SMURF1: variants seen among roughly 807,000 people sequenced by gnomAD.
SMURF1 encodes E3 ubiquitin-protein ligase SMURF1.
In SMURF1, 44 loss-of-function variants were observed where a neutral mutation model predicts 98.0. That is an observed-to-expected ratio of 0.45 (90% CI 0.35 to 0.58). The LOEUF is 0.58. Ranked by LOEUF, SMURF1 falls within the 20% of genes least tolerant of loss-of-function variation. SMURF1 has a pLI of 0.00. For synonymous variants in SMURF1, 396 were observed against 374.9 expected, an observed-to-expected ratio of 1.06 and a Z score of -0.65; for missense variants, 687 against 938.4, an observed-to-expected ratio of 0.73 and a Z score of 3.50.
At chr7:99,095,303 C>G (rs1280830783) in intron 1 of SMURF1, among the ~76,000 whole-genome samples, 2 of 152,132 alleles carry the variant, frequency 1.3e-5, no homozygotes, top group Non-Finnish European at 2.9e-5. Flanking sequence ...TGGTCTTGAA[C>G]TGCTGACCTC....
At position 99,049,454 on chromosome 7, in the gene SMURF1, CTTA is replaced by C. The variant is rs1795685642; in HGVS notation, c.953+106_953+108del. ...GATATTTAACATCATTTTGACCATG[CTTA>C]TTATCCAACCAGCAAGACAGTCAAT... On this transcript the variant is annotated intron_variant, in intron 9 of 17. Coordinates refer to ENST00000361368, the MANE Select transcript of SMURF1 (RefSeq NM_181349.3). The C allele has an allele frequency of 3.5e-6, 4 of 1,139,770 alleles. No individual in the cohort carries two copies. In the South Asian group the frequency reaches 6.0e-5, roughly 17 times the overall value. 70.6% of individuals were successfully genotyped at this position (1,139,770 alleles called of 1,614,324 possible). A position where few individuals can be genotyped will look rare whatever the true frequency, so the allele number is the denominator to read the frequency against.
At position 99,028,319 on chromosome 7, in the gene SMURF1, G is replaced by T; in HGVS notation, c.*2265C>A. 6.6e-6 allele frequency: 1 copy of T among 152,412 alleles called. No individual in the cohort carries two copies. The highest frequency in any genetic ancestry group is 1.5e-5 in the Non-Finnish European group (1 of 68,088). The allele number at this position is 152,412 out of a possible 1,614,324, so 9.4% of individuals were successfully genotyped here. A position where few individuals can be genotyped will look rare whatever the true frequency, so the allele number is the denominator to read the frequency against. ...GGAGTGCAGTGCCACCGACAGGGAGGCCTGTTTGGAAAGAGTGAACCGGAG... is the reference window on the plus strand; with the variant it reads ...GGAGTGCAGTGCCACCGACAGGGAGTCCTGTTTGGAAAGAGTGAACCGGAG... On this transcript the variant is annotated 3_prime_UTR_variant, in exon 18 of 18. Coordinates refer to ENST00000361368, the MANE Select transcript of SMURF1 (RefSeq NM_181349.3).
chr7:99,050,633 A>C (rs1416095786), intron 8 of SMURF1: 1 of 302,826 alleles, frequency 3.3e-6, no homozygotes, highest in African/African-American at 2.1e-5. Flanking sequence ...TCTAATTAAC[A>C]CAAAAGCCTG....
At chr7:99,126,894 A>T (rs982071886) in intron 1 of SMURF1, among the ~76,000 whole-genome samples, 4 of 152,250 alleles carry the variant, frequency 2.6e-5, no homozygotes, top group Admixed American at 6.5e-5. Flanking sequence ...GAGCTGTGTG[A>T]TGTAGAAACA....
intron 1 of SMURF1, among the ~76,000 whole-genome samples, chr7:99,102,694 TA>T (rs1454836438): frequency 1.3e-5 from 2 of 152,376 alleles, no homozygotes; most frequent in African/African-American, 2.4e-5. Flanking sequence ...TATACTTAAA[TA>T]AGTGGCTCTT....
chr7:99,130,903 T>A (rs1235432808), intron 1 of SMURF1, among the ~76,000 whole-genome samples: 1 of 152,158 alleles, frequency 6.6e-6, no homozygotes, highest in Non-Finnish European at 1.5e-5. Flanking sequence ...GGTTCAGCAA[T>A]GAACACTTGA....
intron 8 of SMURF1, chr7:99,050,609 G>T (rs1278424950): frequency 2.3e-5 from 6 of 264,094 alleles, no homozygotes; most frequent in Non-Finnish European, 4.4e-5. Context: ...CAGCTTTACT[G>T]ACCAAGATGT....
intron 1 of SMURF1, among the ~76,000 whole-genome samples, chr7:99,095,621 A>T (rs1796940678): frequency 6.6e-6 from 1 of 152,236 alleles, no homozygotes; most frequent in African/African-American, 2.4e-5. Flanking sequence ...ATCACAGCAG[A>T]AACACCAGTG....
At chr7:99,102,243 A>T (rs981359211) in intron 1 of SMURF1, among the ~76,000 whole-genome samples, 1 of 152,220 alleles carries the variant, frequency 6.6e-6, no homozygotes, top group Non-Finnish European at 1.5e-5. Flanking sequence ...AAATTATTTC[A>T]ATATTTTGTT....
chr7:99,063,273 AT>A (rs1393435242), intron 1 of SMURF1, among the ~76,000 whole-genome samples: 216 of 12,864 alleles, frequency 0.017, 17 homozygotes, highest in Non-Finnish European at 0.038. Context: ...ATATATATAT[AT>A]ATATATATAT....
At chr7:99,077,135 A>G (rs749757432) in intron 1 of SMURF1, among the ~76,000 whole-genome samples, 8 of 151,960 alleles carry the variant, frequency 5.3e-5, no homozygotes, top group Non-Finnish European at 8.8e-5. Flanking sequence ...TTAATAATAA[A>G]TTATGGTATA....
chr7:99,141,538 C>T (rs1407628873), intron 1 of SMURF1, among the ~76,000 whole-genome samples: 1 of 152,128 alleles, frequency 6.6e-6, no homozygotes, highest in Non-Finnish European at 1.5e-5. Context: ...AAGTGAGAAG[C>T]GTTTCCTATC....
At chr7:99,064,197 T>C (rs1481516150) in intron 1 of SMURF1, among the ~76,000 whole-genome samples, 2 of 152,254 alleles carry the variant, frequency 1.3e-5, no homozygotes, top group African/African-American at 4.8e-5. Flanking sequence ...ATTTCACATC[T>C]ATATTCATAA....
chr7:99,053,805 G>T lies in SMURF1; in HGVS notation c.479+985C>A, dbSNP rs188997664. ...TTAATTCATGGGGGACTGCAAAATT[G>T]TGACAGTGACCAATGACGGTTCGGC... On this transcript the variant is annotated intron_variant, in intron 6 of 17. Coordinates refer to ENST00000361368, the MANE Select transcript of SMURF1 (RefSeq NM_181349.3). Among the ~76,000 whole-genome samples, 19 of 152,280 alleles carry T rather than the reference G, an allele frequency of 1.2e-4. No individual in the cohort carries two copies. In the East Asian group the frequency reaches 3.7e-3, roughly 29 times the overall value.
At chr7:99,118,912 A>G (rs1406133596) in intron 1 of SMURF1, among the ~76,000 whole-genome samples, 3 of 150,416 alleles carry the variant, frequency 2.0e-5, no homozygotes, top group Non-Finnish European at 4.4e-5. Flanking sequence ...CCCAGGCTGC[A>G]GTACGTGATG....
chr7:99,045,835 A>G, intron 10 of SMURF1, 34 bp from the exon 11 acceptor site: 1 of 1,502,458 alleles, frequency 6.7e-7, no homozygotes, highest in African/African-American at 1.4e-5. Flanking sequence ...AGAGAGAAGA[A>G]CATTCTTATT....
chr7:99,074,772 G>A (rs888665953), intron 1 of SMURF1, among the ~76,000 whole-genome samples: 4 of 152,134 alleles, frequency 2.6e-5, no homozygotes, highest in African/African-American at 4.8e-5. Context: ...GCTCACAACT[G>A]TAATCCCAAC....
At chr7:99,104,130 G>T (rs926419274) in intron 1 of SMURF1, among the ~76,000 whole-genome samples, 1 of 152,034 alleles carries the variant, frequency 6.6e-6, no homozygotes. Flanking sequence ...CAAGTGATCC[G>T]CCTGCCTCGG....
intron 1 of SMURF1, among the ~76,000 whole-genome samples, chr7:99,105,474 A>C (rs1797175158): frequency 1.3e-5 from 2 of 152,222 alleles, no homozygotes; most frequent in Admixed American, 6.5e-5. Context: ...ACTATATGCC[A>C]GGTACTGTTG....
Sources: allele counts gnomAD v4.1 joint callset (sites outside exome capture counted in the v4.1 genomes callset), GRCh38; gene constraint gnomAD v4.1.1; transcripts MANE v1.5; gene names NCBI Gene and HGNC (gene_info 2026-07-23, HGNC 2026-07-21).